The following DUSP16 variants were observed in gnomAD, a reference collection of about 807,000 sequenced individuals.
DUSP16 encodes dual specificity phosphatase 16.
Under a neutral mutation model 58.3 loss-of-function variants are expected in DUSP16, and 21 were observed. That is an observed-to-expected ratio of 0.36 (90% CI 0.26 to 0.52). The LOEUF is 0.52. Among genes scored for constraint, DUSP16 ranks in the 20% least tolerant of loss-of-function variants. The pLI, the probability that DUSP16 is intolerant of heterozygous loss-of-function variation, is 0.94. For synonymous variants in DUSP16, 320 were observed against 323.8 expected, an observed-to-expected ratio of 0.99 and a Z score of 0.12; for missense variants, 726 against 819.0, an observed-to-expected ratio of 0.89 and a Z score of 1.39.
chr12:12,550,197 C>T (rs950139980), intron 1 of DUSP16, among the ~76,000 whole-genome samples: 2 of 151,100 alleles, frequency 1.3e-5, no homozygotes, highest in Non-Finnish European at 1.5e-5. Context: ...CGCTTGAACC[C>T]GGGAGGCGGA....
chr12:12,515,982 G>T (rs578239884), intron 3 of DUSP16, among the ~76,000 whole-genome samples: 2 of 151,616 alleles, frequency 1.3e-5, no homozygotes, highest in African/African-American at 4.9e-5. Flanking sequence ...TGCCATGTTG[G>T]CCAGGCTGGT....
intron 1 of DUSP16, among the ~76,000 whole-genome samples, chr12:12,536,875 C>T (rs932064904): frequency 1.3e-5 from 2 of 152,128 alleles, no homozygotes; most frequent in African/African-American, 2.4e-5. Context: ...CCCATCTCTA[C>T]TAAAAACACA....
At chr12:12,543,988 T>C in intron 1 of DUSP16, among the ~76,000 whole-genome samples, 1 of 151,948 alleles carries the variant, frequency 6.6e-6, no homozygotes, top group East Asian at 1.9e-4. Context: ...AAAAATAAAT[T>C]TCGTAAAAAC....
At chr12:12,547,532 A>T (rs1420694563) in intron 1 of DUSP16, among the ~76,000 whole-genome samples, 15 of 53,326 alleles carry the variant, frequency 2.8e-4, no homozygotes, top group African/African-American at 8.6e-4. Flanking sequence ...GAGTAGGCTT[A>T]AAAAAAAAAA....
chr12:12,480,178 G>C, intron 6 of DUSP16, 45 bp downstream of exon 6: 1 of 1,603,672 alleles, frequency 6.2e-7, no homozygotes, highest in Non-Finnish European at 8.5e-7. Flanking sequence ...TTATGTTTCA[G>C]GTCAAATGAA....
intron 1 of DUSP16, among the ~76,000 whole-genome samples, chr12:12,534,887 A>G (rs1261909887): frequency 6.6e-6 from 1 of 152,248 alleles, no homozygotes; most frequent in Non-Finnish European, 1.5e-5. Flanking sequence ...GGTTATACTA[A>G]GTAAAGATCA....
chr12:12,518,916 T>TTATC (rs1944191422), intron 3 of DUSP16, among the ~76,000 whole-genome samples: 1 of 152,226 alleles, frequency 6.6e-6, no homozygotes, highest in Non-Finnish European at 1.5e-5. Flanking sequence ...CATGGAAATC[T>TTATC]TATCTAAACC....
At chr12:12,508,134 A>T (rs1944025370) in intron 3 of DUSP16, among the ~76,000 whole-genome samples, 1 of 152,192 alleles carries the variant, frequency 6.6e-6, no homozygotes, top group Non-Finnish European at 1.5e-5. Flanking sequence ...AAAAATGGAA[A>T]ATACTGAAAA....
At position 12,477,191 on chromosome 12, in the gene DUSP16, TG is replaced by T; in HGVS notation, c.1639del (p.Gln547ArgfsTer7). 5 of 1,614,104 alleles carry T rather than the reference TG, an allele frequency of 3.1e-6. No homozygotes were observed. Among genetic ancestry groups the T allele is most frequent in the Non-Finnish European group, 4.2e-6 (5 of 1,180,008 alleles). ...GCTGGTCAGGGAAGGGGTAGAGGTC[TG>T]GGGGGCCAAGATATCCGAGTGCCAG... is the stretch of plus-strand genomic sequence containing the variant. ...KGWHSDILAP[Q>X]TSTPSLTSSW... On this transcript the variant is annotated frameshift_variant, in exon 7 of 7. Transcript: ENST00000298573. LOFTEE classifies it high-confidence loss of function. The surrounding 1 kb of genome is among the most constrained non-coding windows in gnomAD (Gnocchi z 4.1).
intron 1 of DUSP16, among the ~76,000 whole-genome samples, chr12:12,525,045 A>T (rs1464984530): frequency 1.3e-5 from 2 of 152,188 alleles, no homozygotes; most frequent in Non-Finnish European, 2.9e-5. Flanking sequence ...ATTTATTCCA[A>T]AGATTTTTTT....
intron 5 of DUSP16, among the ~76,000 whole-genome samples, chr12:12,484,914 T>C (rs777367491): frequency 2.0e-5 from 3 of 151,912 alleles, no homozygotes; most frequent in Admixed American, 6.6e-5. Context: ...GCCCAGCCAA[T>C]TGTTATTTTT....
intron 5 of DUSP16, 94 bp downstream of exon 5, chr12:12,486,934 C>T: frequency 1.4e-6 from 2 of 1,443,526 alleles, no homozygotes; most frequent in Middle Eastern, 1.8e-4. Context: ...GAAATAGGCT[C>T]CTTTTCTCTA....
At chr12:12,520,739 G>T in intron 2 of DUSP16, 132 bp downstream of exon 2, 1 of 950,658 alleles carries the variant, frequency 1.1e-6, no homozygotes, top group Non-Finnish European at 1.5e-6. Context: ...GGTACCACAA[G>T]GCACCAAAAT....
rs1236757614 is a variant in DUSP16, at chr12:12,551,248, C to A, written c.-366+10869G>T. 2.0e-5 allele frequency among the ~76,000 whole-genome samples: 3 copies of A among 151,784 alleles called. No individual in the cohort carries two copies. In the East Asian group the frequency reaches 5.8e-4, roughly 29 times the overall value. On this transcript the variant is annotated intron_variant, in intron 1 of 6. Coordinates refer to ENST00000298573, the MANE Select transcript of DUSP16 (RefSeq NM_030640.3). ...TGCTGGCCGTGGCTCACACCTGTAA[C>A]CCCAGCACCTCGGGAAGCCTAGGCA...
At chr12:12,499,263 T>C (rs1463678861) in intron 4 of DUSP16, among the ~76,000 whole-genome samples, 1 of 152,236 alleles carries the variant, frequency 6.6e-6, no homozygotes. Flanking sequence ...GCCCTAGGAA[T>C]GCATGGGACT....
chr12:12,535,339 A>C (rs1944449717), intron 1 of DUSP16, among the ~76,000 whole-genome samples: 1 of 152,254 alleles, frequency 6.6e-6, no homozygotes. Flanking sequence ...CAATGAGTCT[A>C]AGGGGAAAAA....
chr12:12,552,291 T>C (rs1328741679), intron 1 of DUSP16, among the ~76,000 whole-genome samples: 2 of 151,676 alleles, frequency 1.3e-5, no homozygotes, highest in Non-Finnish European at 2.9e-5. Flanking sequence ...ACTAAAAATA[T>C]AAAAATTAGC....
chr12:12,489,701 C>T (rs568021875), intron 4 of DUSP16, among the ~76,000 whole-genome samples: 46 of 152,142 alleles, frequency 3.0e-4, no homozygotes, highest in Non-Finnish European at 5.7e-4. Context: ...AAACATGTTG[C>T]AAGTCAATAA....
rs746106062 is a variant in DUSP16 at position 12,477,083 on chromosome 12, C to T, written c.1748G>A (p.Ser583Asn). 1.7e-5 allele frequency: 27 copies of T among 1,614,146 alleles called. No individual in the cohort carries two copies. In the African/African-American group the frequency reaches 3.6e-4, roughly 22 times the overall value. ...YGGSASYSAYSCSQLPTCGDQ... is the reference protein window; with the variant it reads ...YGGSASYSAYNCSQLPTCGDQ... ...TCCGCAAGTGGGCAGCTGGCTGCAG[C>T]TGTAGGCAGAGTAACTGGCACTGCC... The change falls in exon 7 of 7, where the codon AGC (serine) becomes AAC (asparagine). Residue 583 changes from serine to asparagine, a missense_variant. Physicochemically the swap from Ser to Asn is conservative, Grantham distance 46 (BLOSUM62 1). Transcript: ENST00000298573. This position sits in a 1 kb window ranked among gnomAD's most constrained non-coding sequence, Gnocchi z 4.1.
Sources: gnomAD v4.1 joint callset for allele counts (sites outside exome capture counted in the v4.1 genomes callset) on GRCh38, gnomAD v4.1.1 for gene constraint, Gnocchi (gnomAD v3.1) non-coding constraint, MANE v1.5 for transcripts, NCBI Gene and HGNC (gene_info 2026-07-23, HGNC 2026-07-21) for gene names.